The following BMPR2 variants were observed in gnomAD, a reference collection of about 807,000 sequenced individuals.
BMPR2 encodes bone morphogenetic protein receptor type 2, also known as bone morphogenetic protein receptor type-2.
In BMPR2, 29 loss-of-function variants were observed where a neutral mutation model predicts 100.8. The ratio of observed to expected loss-of-function variants is 0.29; its 90% confidence interval spans 0.21 to 0.39. The LOEUF (loss-of-function observed/expected upper bound fraction) is 0.39. BMPR2 is among the 10% of genes least tolerant of loss of function. BMPR2 has a pLI of 1.00. For missense variants in BMPR2, 1,011 were observed against 1,274.5 expected, an observed-to-expected ratio of 0.79 and a Z score of 3.15; for synonymous variants, 382 against 442.3, an observed-to-expected ratio of 0.86 and a Z score of 1.71.
rs189903540 is a variant in BMPR2 at position 202,468,969 on chromosome 2, A to G, written c.418+1280A>G. ...AAGGAATGAGACAGAAAGAATATGG[A>G]AGGGAGTGAATGTTCTCTGAGTGTA... On this transcript the variant is annotated intron_variant, in intron 3 of 12. Coordinates refer to ENST00000374580, the MANE Select transcript of BMPR2 (RefSeq NM_001204.7). Among the ~76,000 whole-genome samples, 41 of 152,308 alleles carry G rather than the reference A, an allele frequency of 2.7e-4. No homozygotes were observed. The Middle Eastern group carries it at 0.01, about 38-fold the overall frequency.
At chr2:202,386,768 C>T (rs1310349771) in intron 1 of BMPR2, among the ~76,000 whole-genome samples, 1 of 151,926 alleles carries the variant, frequency 6.6e-6, no homozygotes, top group East Asian at 1.9e-4. Context: ...GCAACCTCTA[C>T]CTCCCGGATT....
rs1692412573 is a variant in BMPR2, at chr2:202,470,436, A to G, written c.418+2747A>G. On this transcript the variant is annotated intron_variant, in intron 3 of 12. Coordinates refer to ENST00000374580, the MANE Select transcript of BMPR2 (RefSeq NM_001204.7). ...GATAGATACAAGATAAGCCTGGGACATCTTGTAATGTTTTAATAATTTTTG... is the reference window on the plus strand; with the variant it reads ...GATAGATACAAGATAAGCCTGGGACGTCTTGTAATGTTTTAATAATTTTTG... Among the ~76,000 whole-genome samples, 3 of 152,242 alleles carry G rather than the reference A, an allele frequency of 2.0e-5. No individual in the cohort carries two copies. The South Asian group carries it at 6.2e-4, about 32-fold the overall frequency.
intron 1 of BMPR2, among the ~76,000 whole-genome samples, chr2:202,399,356 G>A (rs1477125132): frequency 2.0e-5 from 3 of 152,240 alleles, no homozygotes; most frequent in South Asian, 4.1e-4. Flanking sequence ...AACAGAAAGT[G>A]TAAAGGCTAG....
chr2:202,458,310 G>A (rs1268376411), intron 1 of BMPR2, among the ~76,000 whole-genome samples: 143 of 90,590 alleles, frequency 1.6e-3, no homozygotes, highest in Middle Eastern at 6.6e-3. Flanking sequence ...AAAAAAAAAC[G>A]CACACAAAAA....
At chr2:202,487,819 G>C (rs1025608783) in intron 3 of BMPR2, among the ~76,000 whole-genome samples, 2 of 152,176 alleles carry the variant, frequency 1.3e-5, no homozygotes, top group African/African-American at 4.8e-5. Context: ...AAAACAGATT[G>C]TTGGCCCCAC....
intron 3 of BMPR2, among the ~76,000 whole-genome samples, chr2:202,483,305 G>A (rs190156603): frequency 2.0e-5 from 3 of 151,492 alleles, no homozygotes; most frequent in East Asian, 1.9e-4. Flanking sequence ...ATAGCTTGCC[G>A]TTTCACTCTT....
intron 10 of BMPR2, among the ~76,000 whole-genome samples, chr2:202,547,124 A>G (rs1285421376): frequency 1.3e-5 from 2 of 152,194 alleles, no homozygotes; most frequent in Non-Finnish European, 2.9e-5. Context: ...TTGGTAAAAT[A>G]AAAAATTATA....
At chr2:202,500,803 G>C (rs1192661782) in intron 3 of BMPR2, among the ~76,000 whole-genome samples, 4 of 152,160 alleles carry the variant, frequency 2.6e-5, no homozygotes, top group Admixed American at 6.5e-5. Context: ...AAATACCAGA[G>C]GAAGCAGAAT....
chr2:202,558,931 A>G (rs747527457), intron 12 of BMPR2, among the ~76,000 whole-genome samples: 15 of 151,530 alleles, frequency 9.9e-5, no homozygotes, highest in Admixed American at 4.6e-4. Flanking sequence ...ATATAGGAAG[A>G]GGAAATTATT....
intron 1 of BMPR2, among the ~76,000 whole-genome samples, chr2:202,401,230 C>A (rs191220866): frequency 6.6e-6 from 1 of 152,110 alleles, no homozygotes; most frequent in Non-Finnish European, 1.5e-5. Flanking sequence ...CATCTCATCT[C>A]CCCTTTTATA....
intron 9 of BMPR2, among the ~76,000 whole-genome samples, chr2:202,535,821 G>A (rs1210403108): frequency 5.3e-5 from 8 of 152,214 alleles, no homozygotes; most frequent in African/African-American, 9.6e-5. Flanking sequence ...ACGAGACTCC[G>A]TCTGCAATCC....
At position 202,567,209 on chromosome 2, in the gene BMPR2, A is replaced by G. The variant is rs1688777441; in HGVS notation, c.*7263A>G. ...CTTAGGGTGTTGTAGTAGCTGAAAC[A>G]TGGAGATGCGTAGCTGTCATGCTTT... On this transcript the variant is annotated 3_prime_UTR_variant, in exon 13 of 13. Transcript: ENST00000374580. 6.6e-6 allele frequency: 1 copy of G among 152,646 alleles called. No individual in the cohort carries two copies. Among genetic ancestry groups the G allele is most frequent in the South Asian group, 2.1e-4 (1 of 4,838 alleles). The allele number at this position is 152,646 out of a possible 1,614,324, so 9.5% of individuals were successfully genotyped here.
At chr2:202,393,884 AGAG>A (rs1559024344) in intron 1 of BMPR2, among the ~76,000 whole-genome samples, 38 of 27,442 alleles carry the variant, frequency 1.4e-3, no homozygotes, top group Non-Finnish European at 5.7e-4. Context: ...TGAGAGAGCG[AGAG>A]AGAGAGAGAG....
At chr2:202,458,206 G>A (rs548621914) in intron 1 of BMPR2, among the ~76,000 whole-genome samples, 8 of 147,146 alleles carry the variant, frequency 5.4e-5, no homozygotes, top group South Asian at 4.3e-4. Context: ...CAGCACTTCC[G>A]GAGGCCAAGG....
chr2:202,479,563 A>G (rs1447666007), intron 3 of BMPR2, among the ~76,000 whole-genome samples: 11 of 152,064 alleles, frequency 7.2e-5, no homozygotes. Context: ...AGCCTCCCCC[A>G]TTATCAACAT....
chr2:202,393,312 A>G (rs1690587689), intron 1 of BMPR2, among the ~76,000 whole-genome samples: 1 of 152,080 alleles, frequency 6.6e-6, no homozygotes, highest in Non-Finnish European at 1.5e-5. Context: ...ATATTTTACT[A>G]AGTTTCTCTC....
chr2:202,530,961 G>A lies in BMPR2; in HGVS notation c.1128+7G>A. On this transcript the variant is annotated splice_region_variant and intron_variant, in intron 8 of 12. Coordinates refer to ENST00000374580, the MANE Select transcript of BMPR2 (RefSeq NM_001204.7). ...TAATGCAGCCATAAGCGAGGTGAGT[G>A]TATACAAAAGGTATCACACTGATGT... 6.2e-7 allele frequency: 1 copy of A among 1,613,824 alleles called. No homozygotes were observed. Among genetic ancestry groups the A allele is most frequent in the South Asian group, 1.1e-5 (1 of 91,072 alleles).
At position 202,531,930 on chromosome 2, in the gene BMPR2, A is replaced by ATTTTTTT. The variant is rs71035015; in HGVS notation, c.1129-634_1129-628dup. On this transcript the variant is annotated intron_variant, in intron 8 of 12. Coordinates refer to ENST00000374580, the MANE Select transcript of BMPR2 (RefSeq NM_001204.7). ...AGTGTGAGCCACCACGCCCAGCTGT[A>ATTTTTTT]TTTTTTTTTTTTTTTTTTTTTTTTT... Among the ~76,000 whole-genome samples, 60 of 52,292 alleles carry ATTTTTTT rather than the reference A, an allele frequency of 1.1e-3. 13 individuals are homozygous for ATTTTTTT. The highest frequency in any genetic ancestry group is 2.8e-3 in the East Asian group (4 of 1,442). The allele number at this position is 52,292 out of a possible 152,430, so 34.3% of individuals were successfully genotyped here. A position where few individuals can be genotyped will look rare whatever the true frequency, so the allele number is the denominator to read the frequency against.
chr2:202,518,313 T>A (rs1687755036), intron 5 of BMPR2, among the ~76,000 whole-genome samples: 1 of 151,656 alleles, frequency 6.6e-6, no homozygotes, highest in Non-Finnish European at 1.5e-5. Flanking sequence ...AATTTTTGTA[T>A]TTTTAGTAGA....
Sources: allele counts gnomAD v4.1 joint callset (sites outside exome capture counted in the v4.1 genomes callset), GRCh38; gene constraint gnomAD v4.1.1; transcripts MANE v1.5; gene names NCBI Gene and HGNC (gene_info 2026-07-23, HGNC 2026-07-21).